RIN1: variants seen among roughly 807,000 people sequenced by gnomAD.
RIN1 encodes Ras and Rab interactor 1, also known as ras inhibitor 1.
RIN1 carries 52 observed loss-of-function variants against 64.9 expected under a neutral mutation model. The ratio of observed to expected loss-of-function variants is 0.80; its 90% CI spans 0.64 to 1.01. The LOEUF is 1.01. Ranked by LOEUF, RIN1 falls within the 50% of genes least tolerant of loss-of-function variation. The pLI is 0.00. For missense variants in RIN1, 1,040 were observed against 1,064.5 expected (o/e 0.98, Z 0.32); for synonymous variants, 486 against 483.6 (o/e 1.00, Z -0.06).
rs761469921 is a variant in RIN1, at chr11:66,335,144, C to T, written c.655G>A (p.Gly219Arg). 9.1e-6 allele frequency: 14 copies of T among 1,544,696 alleles called. No individual in the cohort carries two copies. Among genetic ancestry groups the T allele is most frequent in the South Asian group, 3.7e-5 (3 of 81,474 alleles). The change falls in exon 6 of 10, where the codon GGA (glycine) becomes AGA (arginine). Residue 219 changes from glycine (G) to arginine (R), a missense_variant. By Grantham distance (125) the Gly-to-Arg change is moderately radical. Transcript: ENST00000311320. ...GGGTTGAAGAAGCACAAGGCGGCTC[C>T]GGTGCCCTGGTCCAGCTCTTGAGGG... is the stretch of plus-strand genomic sequence containing the variant. ...RSPQELDQGT[G>R]AALCFFNPLF...
In RIN1 at chr11:66,333,982, C is replaced by T. The variant is rs768862752; in HGVS notation, c.1528G>A (p.Ala510Thr). The T allele has an allele frequency of 6.4e-6, 10 of 1,561,578 alleles. No individual in the cohort carries two copies. The highest frequency in any genetic ancestry group is 3.5e-5 in the South Asian group (3 of 84,920). ...LQLLRTYSPS[A>T]QVKRLLQACK... ...GCCTGCAGGAGCCGCTTGACCTGGGCGCTGGGTGAGTAGGTGCGGAGCAGC... is the reference window on the plus strand; with the variant it reads ...GCCTGCAGGAGCCGCTTGACCTGGGTGCTGGGTGAGTAGGTGCGGAGCAGC... The change falls in exon 7 of 10, where the codon GCC becomes ACC. Residue 510 changes from alanine to threonine, a missense_variant. Ala to Thr is a moderately conservative substitution (Grantham distance 58). Transcript: ENST00000311320.
Position 66,334,638 on chromosome 11 carries a change from C to T in RIN1, c.1161G>A (p.Leu387=). Reference sequence around the variant, plus strand: ...GCTCGGGCCCAGCCCGCACCTGGGTCAGTAGGTCCTGCACCAGCTGGCCCG... The same window carrying T: ...GCTCGGGCCCAGCCCGCACCTGGGTTAGTAGGTCCTGCACCAGCTGGCCCG... ...TAAGQLVQDL[L]TQVRAGPEPQ... is the part of the protein sequence containing the mutation. Residue 387 remains leucine, a synonymous_variant, in exon 6 of 10, where the codon CTG becomes CTA. Coordinates refer to ENST00000311320, the MANE Select transcript of RIN1 (RefSeq NM_004292.3). 1.9e-6 allele frequency: 3 copies of T among 1,575,604 alleles called. No homozygotes were observed. Among genetic ancestry groups the T allele is most frequent in the Non-Finnish European group, 2.6e-6 (3 of 1,163,298 alleles).
chr11:66,334,659 G>T lies in RIN1; in HGVS notation c.1140C>A (p.Gly380=). The T allele has an allele frequency of 6.4e-7, 1 of 1,560,962 alleles. No homozygotes were observed. The highest frequency in any genetic ancestry group is 1.2e-5 in the South Asian group (1 of 85,120). The change falls in exon 6 of 10, where the codon GGC becomes GGA. Residue 380 remains glycine (G), a synonymous_variant. Coordinates refer to ENST00000311320, the MANE Select transcript of RIN1 (RefSeq NM_004292.3). The part of the protein sequence containing the change: ...ALMQDRHTAA[G]QLVQDLLTQV... ...GGGTCAGTAGGTCCTGCACCAGCTG[G>T]CCCGCGGCTGTGTGTCGGTCCTGCA... is the stretch of plus-strand genomic sequence containing the variant.
In RIN1 at chr11:66,336,341, G is replaced by A. The variant is rs765633394; in HGVS notation, c.62C>T (p.Thr21Ile). ...SPGAPSPSSF[T>I]TGHLAREKPA... The stretch of plus-strand genomic sequence containing the variant: ...CTTTTCTCTCGCCAGGTGCCCAGTA[G>A]TGAAGCTGGACGGGCTGGGGGCTCC... The change falls in exon 1 of 10, where the codon ACT becomes ATT. Residue 21 changes from threonine to isoleucine, a missense_variant. By Grantham distance (89) the Thr-to-Ile change is moderately conservative. Transcript: ENST00000311320. 4 of 1,613,762 alleles carry A rather than the reference G, an allele frequency of 2.5e-6. No homozygotes were observed. Among genetic ancestry groups the A allele is most frequent in the Non-Finnish European group, 3.4e-6 (4 of 1,179,860 alleles).
chr11:66,333,854 G>A (rs1009860055), intron 7 of RIN1, 65 bp downstream of exon 7: 1 of 1,457,150 alleles, frequency 6.9e-7, no homozygotes, highest in Non-Finnish European at 9.1e-7. Flanking sequence ...CTGGGGACCT[G>A]CCGCTGGGGG....
At position 66,335,681 on chromosome 11, in the gene RIN1, G is replaced by A. The variant is rs768231273; in HGVS notation, c.384C>T (p.Gly128=). The A allele has an allele frequency of 1.9e-5, 30 of 1,613,304 alleles. No individual in the cohort carries two copies. The highest frequency in any genetic ancestry group is 1.2e-4 in the Admixed American group (7 of 59,872). The part of the protein sequence containing the change: ...SSHYILESPG[G]VSLEGSELMF... ...TGAGCTCCGAGCCCTCCAAGGAGAC[G>A]CCTGAGAGAGGAGGGAAGTGAGGTG... is the stretch of plus-strand genomic sequence containing the variant. Residue 128 remains glycine (G), a splice_region_variant and synonymous_variant, in exon 4 of 10, where the codon GGC becomes GGT. Coordinates refer to ENST00000311320, the MANE Select transcript of RIN1 (RefSeq NM_004292.3).
rs570771604 is a variant in RIN1 at position 66,332,955 on chromosome 11, G to C, written c.1876-203C>G. The C allele has an allele frequency of 2.6e-4, 160 of 612,262 alleles. 4 individuals carry two copies. In the South Asian group the frequency reaches 3.1e-3, roughly 12 times the overall value. The allele number at this position is 612,262 out of a possible 1,614,324, so 37.9% of individuals were successfully genotyped here. On this transcript the variant is annotated intron_variant, in intron 9 of 9. Coordinates refer to ENST00000311320, the MANE Select transcript of RIN1 (RefSeq NM_004292.3). The stretch of plus-strand genomic sequence containing the variant: ...CCGCAGGTGCAAGGACAGCCCAGTG[G>C]GGCGCTCACAAGCCTGAGATGAAGA...
chr11:66,336,489 G>A (rs1854910156), upstream of RIN1: 2 of 1,169,338 alleles, frequency 1.7e-6, no homozygotes, highest in Non-Finnish European at 2.4e-6. Context: ...CCTGAGGGCG[G>A]TCCGCCTGTC....
Position 66,334,823 on chromosome 11 carries a change from C to T in RIN1, c.976G>A (p.Gly326Arg). 1 of 1,546,616 alleles carries T rather than the reference C, an allele frequency of 6.5e-7. No homozygotes were observed. Among genetic ancestry groups the T allele is most frequent in the African/African-American group, 1.4e-5 (1 of 73,162 alleles). ...CGSPSSSEEE[G>R]VPGSRGSPAT... ...GGGCTCCCCCGGGACCCTGGCACCC[C>T]CTCCTCCTCGGAGCTGCTGGGGGAG... The change falls in exon 6 of 10, where the codon GGG becomes AGG. Residue 326 changes from glycine (G) to arginine (R), a missense_variant. Physicochemically the swap from Gly to Arg is moderately radical, Grantham distance 125. Transcript: ENST00000311320.
upstream of RIN1, chr11:66,336,718 C>G: frequency 2.8e-6 from 1 of 353,898 alleles, no homozygotes; most frequent in Non-Finnish European, 5.2e-6. Flanking sequence ...TCAGTCCCCA[C>G]AGGCCCCAGC....
At position 66,334,702 on chromosome 11, in the gene RIN1, C is replaced by T. The variant is rs748809722; in HGVS notation, c.1097G>A (p.Arg366Gln). Residue 366 changes from arginine to glutamine, a missense_variant, in exon 6 of 10, where the codon CGG becomes CAG. Coordinates refer to ENST00000311320, the MANE Select transcript of RIN1 (RefSeq NM_004292.3). ...SLLAPERQVGRAAAALMQDRH... is the reference protein window; with the variant it reads ...SLLAPERQVGQAAAALMQDRH... ...GTCCTGCATCAGTGCTGCCGCAGCC[C>T]GGCCCACCTGCCGCTCCGGTGCCAG... 5.8e-6 allele frequency: 9 copies of T among 1,549,750 alleles called. No individual in the cohort carries two copies. The highest frequency in any genetic ancestry group is 2.4e-5 in the East Asian group (1 of 41,084).
chr11:66,331,284 T>G lies in RIN1; in HGVS notation c.*992A>C, dbSNP rs1036098245. 6.6e-6 allele frequency: 1 copy of G among 152,278 alleles called. No individual in the cohort carries two copies. The highest frequency in any genetic ancestry group is 6.5e-5 in the Admixed American group (1 of 15,280). The allele number at this position is 152,278 out of a possible 1,614,324, so 9.4% of individuals were successfully genotyped here. On this transcript the variant is annotated 3_prime_UTR_variant, in exon 10 of 10. Coordinates refer to ENST00000311320, the MANE Select transcript of RIN1 (RefSeq NM_004292.3). ...TTTGGGCGGGGGAACCCTTAAGGAC[T>G]TGCTATATGACATCCTGGGAGTCAC...
intron 5 of RIN1, 68 bp downstream of exon 5, chr11:66,335,339 C>G: frequency 6.4e-7 from 1 of 1,557,466 alleles, no homozygotes; most frequent in South Asian, 1.2e-5. Flanking sequence ...GGGCGGTGTG[C>G]TGCGAGCCTT....
At chr11:66,334,357 A>T (rs1854820158) in intron 6 of RIN1, 133 bp from the exon 7 acceptor site, 4 of 1,235,290 alleles carry the variant, frequency 3.2e-6, no homozygotes, top group Non-Finnish European at 4.4e-6. Context: ...GGTGAGACGG[A>T]AGAGTTGGGG....
rs777955661 is a variant in RIN1 at position 66,332,692 on chromosome 11, C to T, written c.1936G>A (p.Val646Met). 4.6e-5 allele frequency: 71 copies of T among 1,549,900 alleles called. No individual in the cohort carries two copies. The highest frequency in any genetic ancestry group is 1.2e-4 in the African/African-American group (9 of 72,952). ...SSGCTSKTLAVPPEASIATLN... is the reference protein window; with the variant it reads ...SSGCTSKTLAMPPEASIATLN... ...GTGGCAATCGAGGCTTCTGGGGGCACGGCCAGGGTCTTGGAGGTGCAGCCA... is the reference window on the plus strand; with the variant it reads ...GTGGCAATCGAGGCTTCTGGGGGCATGGCCAGGGTCTTGGAGGTGCAGCCA... Residue 646 changes from valine to methionine, a missense_variant, in exon 10 of 10, where the codon GTG becomes ATG. Coordinates refer to ENST00000311320, the MANE Select transcript of RIN1 (RefSeq NM_004292.3).
In RIN1 at chr11:66,335,864, G is replaced by T; in HGVS notation, c.280C>A (p.Arg94=). ...TGGCACTGGCGGGTGTTAGATTTCC[G>T]CACGAGGAACGTCTGCAAGTGGATA... ...RTEPPGTFLV[R]KSNTRQCQAL... The change falls in exon 3 of 10, where the codon CGG becomes AGG. Residue 94 remains arginine (R), a synonymous_variant. Transcript: ENST00000311320. 2 of 1,572,180 alleles carry T rather than the reference G, an allele frequency of 1.3e-6. No homozygotes were observed. Among genetic ancestry groups the T allele is most frequent in the Non-Finnish European group, 1.7e-6 (2 of 1,158,054 alleles).
chr11:66,333,502 A>T (rs1424548287), intron 8 of RIN1, 25 bp downstream of exon 8: 3 of 1,611,636 alleles, frequency 1.9e-6, no homozygotes, highest in Non-Finnish European at 1.7e-6. Context: ...CCACCCAGAC[A>T]GGGAGGTGGG....
At position 66,334,681 on chromosome 11, in the gene RIN1, T is replaced by G; in HGVS notation, c.1118A>C (p.Gln373Pro). Reference sequence around the variant, plus strand: ...CTGGCCCGCGGCTGTGTGTCGGTCCTGCATCAGTGCTGCCGCAGCCCGGCC... The same window carrying G: ...CTGGCCCGCGGCTGTGTGTCGGTCCGGCATCAGTGCTGCCGCAGCCCGGCC... Reference protein sequence around the residue: ...QVGRAAAALMQDRHTAAGQLV... With the variant: ...QVGRAAAALMPDRHTAAGQLV... The change falls in exon 6 of 10, where the codon CAG becomes CCG. Residue 373 changes from glutamine (Q) to proline (P), a missense_variant. Physicochemically the swap from Gln to Pro is moderately conservative, Grantham distance 76. Transcript: ENST00000311320. 3 of 1,555,470 alleles carry G rather than the reference T, an allele frequency of 1.9e-6. No homozygotes were observed. The highest frequency in any genetic ancestry group is 2.6e-6 in the Non-Finnish European group (3 of 1,151,742).
chr11:66,334,139 G>C lies in RIN1; in HGVS notation c.1371C>G (p.Ala457=). 1.3e-6 allele frequency: 2 copies of C among 1,542,860 alleles called. No individual in the cohort carries two copies. The highest frequency in any genetic ancestry group is 1.7e-4 in the Middle Eastern group (1 of 5,886). ...CTAGGCGGCCCAGGGAGCCGTCTGC[G>C]GCAAGCCGGCGCCGCAGGCGGGCTG... is the stretch of plus-strand genomic sequence containing the variant. ...ILAARLRRRL[A]ADGSLGRLAE... Residue 457 remains alanine, a synonymous_variant, in exon 7 of 10, where the codon GCC becomes GCG. Transcript: ENST00000311320.
Sources: allele counts gnomAD v4.1 joint callset, GRCh38; gene constraint gnomAD v4.1.1; transcripts MANE v1.5; gene names NCBI Gene and HGNC (gene_info 2026-07-23, HGNC 2026-07-21).